Variants in LANCL1 observed in about 807,000 individuals in gnomAD.
LANCL1 encodes glutathione S-transferase LANCL1.
LANCL1 carries 50 observed loss-of-function variants against 50.6 expected under a neutral mutation model. That is an observed-to-expected ratio of 0.99 (90% CI 0.79 to 1.25). The LOEUF (loss-of-function observed/expected upper bound fraction) is 1.25. LANCL1 is among the 50% of genes most tolerant of loss of function. LANCL1 has a pLI of 0.00. For synonymous variants in LANCL1, 188 were observed against 178.6 expected (o/e 1.05, Z -0.42); for missense variants, 532 against 480.7 (o/e 1.11, Z -1.00).
chr2:210,435,015 G>A (rs1476145566), intron 9 of LANCL1, among the ~76,000 whole-genome samples: 1 of 152,170 alleles, frequency 6.6e-6, no homozygotes, highest in Non-Finnish European at 1.5e-5. Flanking sequence ...ACTGGAGAAA[G>A]AATGGAGCCA....
chr2:210,464,328 A>G (rs1338286464), intron 3 of LANCL1, among the ~76,000 whole-genome samples: 4 of 152,220 alleles, frequency 2.6e-5, no homozygotes, highest in African/African-American at 4.8e-5. Context: ...CAGAATTCTA[A>G]TAAGTACCTT....
intron 4 of LANCL1, among the ~76,000 whole-genome samples, chr2:210,452,937 T>C (rs1022988540): frequency 2.6e-5 from 4 of 151,918 alleles, no homozygotes; most frequent in Admixed American, 1.3e-4. Flanking sequence ...TTAAAGGAGG[T>C]TTACTAAATA....
At chr2:210,471,037 CTTT>C (rs5838206) in intron 3 of LANCL1, among the ~76,000 whole-genome samples, 59,865 of 141,560 alleles carry the variant, frequency 0.42, 14,099 homozygotes, top group East Asian at 0.61. Flanking sequence ...AACTTTTCTT[CTTT>C]GATTTTTTTT....
At chr2:210,462,361 GAAC>G (rs1693890228) in intron 3 of LANCL1, among the ~76,000 whole-genome samples, 1 of 152,184 alleles carries the variant, frequency 6.6e-6, no homozygotes, top group Non-Finnish European at 1.5e-5. Flanking sequence ...GGCTAAAAAT[GAAC>G]AACTCAATGC....
At chr2:210,442,560 G>A (rs1448938628) in intron 4 of LANCL1, 1 of 152,200 alleles carries the variant, frequency 6.6e-6, no homozygotes, top group African/African-American at 2.4e-5. Context: ...GAGCAAGCAT[G>A]CTCTGCACCT....
intron 2 of LANCL1, among the ~76,000 whole-genome samples, chr2:210,472,674 G>A (rs749866427): frequency 6.6e-5 from 10 of 152,184 alleles, no homozygotes; most frequent in Non-Finnish European, 1.5e-4. Flanking sequence ...GTTTCTCAAT[G>A]AATGAGCCTG....
chr2:210,441,898 ATACATG>A (rs1220177995), intron 4 of LANCL1, among the ~76,000 whole-genome samples: 1 of 147,296 alleles, frequency 6.8e-6, no homozygotes, highest in Non-Finnish European at 1.5e-5. Flanking sequence ...ACAGTCAATA[ATACATG>A]TACATTTTTT....
At chr2:210,465,417 G>A (rs1350603101) in intron 3 of LANCL1, among the ~76,000 whole-genome samples, 1 of 152,172 alleles carries the variant, frequency 6.6e-6, no homozygotes, top group Admixed American at 6.5e-5. Context: ...TGTAACCATA[G>A]ATTGAGGTCT....
chr2:210,463,201 T>C (rs893516899), intron 3 of LANCL1, among the ~76,000 whole-genome samples: 3 of 152,128 alleles, frequency 2.0e-5, no homozygotes, highest in Non-Finnish European at 2.9e-5. Context: ...ATTCTGGCCA[T>C]AAAGGTTTAT....
intron 4 of LANCL1, 33 bp from the exon 5 acceptor site, chr2:210,441,476 G>T (rs1693132778): frequency 6.3e-7 from 1 of 1,581,126 alleles, no homozygotes; most frequent in South Asian, 1.2e-5. Flanking sequence ...CAAATAATTT[G>T]AAAGGAACCA....
rs1692829346 is a variant in LANCL1, at chr2:210,433,875, C to T, written c.*612G>A. 6.6e-6 allele frequency: 1 copy of T among 152,060 alleles called. No homozygotes were observed. The highest frequency in any genetic ancestry group is 1.5e-5 in the Non-Finnish European group (1 of 68,000). The allele number at this position is 152,060 out of a possible 1,614,324, so 9.4% of individuals were successfully genotyped here. A position where few individuals can be genotyped will look rare whatever the true frequency, so the allele number is the denominator to read the frequency against. On this transcript the variant is annotated 3_prime_UTR_variant, in exon 10 of 10. Transcript: ENST00000450366. Reference sequence around the variant, plus strand: ...GTATGCCTTACCGACAAAAACAGGCCAATCTGAAAGTATGTTTACCTCTAG... The same window carrying T: ...GTATGCCTTACCGACAAAAACAGGCTAATCTGAAAGTATGTTTACCTCTAG...
At chr2:210,440,795 C>A in intron 5 of LANCL1, 51 bp from the exon 6 acceptor site, 1 of 1,558,394 alleles carries the variant, frequency 6.4e-7, no homozygotes, top group East Asian at 2.3e-5. Flanking sequence ...CAAAAATCTT[C>A]CTGGAGGAGG....
chr2:210,443,727 A>G (rs1693220744), intron 4 of LANCL1, among the ~76,000 whole-genome samples: 1 of 152,066 alleles, frequency 6.6e-6, no homozygotes, highest in Admixed American at 6.6e-5. Context: ...GGTCCCTCCA[A>G]CCCCCGCCCC....
chr2:210,439,082 G>A (rs964096462), intron 6 of LANCL1, among the ~76,000 whole-genome samples: 1 of 152,188 alleles, frequency 6.6e-6, no homozygotes, highest in African/African-American at 2.4e-5. Flanking sequence ...TAGCATTTAA[G>A]CTCAGAGTGT....
At chr2:210,457,976 T>G (rs1693720525) in intron 3 of LANCL1, among the ~76,000 whole-genome samples, 1 of 152,154 alleles carries the variant, frequency 6.6e-6, no homozygotes, top group South Asian at 2.1e-4. Context: ...AACAACAGGA[T>G]GCAGTGGGAG....
chr2:210,455,031 A>C, intron 4 of LANCL1, 76 bp downstream of exon 4: 1 of 1,218,862 alleles, frequency 8.2e-7, no homozygotes. Flanking sequence ...ACTCACTAGA[A>C]TGTTCTTTTG....
intron 2 of LANCL1, among the ~76,000 whole-genome samples, chr2:210,475,818 C>G (rs1281457810): frequency 6.6e-6 from 1 of 152,120 alleles, no homozygotes; most frequent in Non-Finnish European, 1.5e-5. Context: ...TGGATATGCC[C>G]TGTGGAGTGA....
chr2:210,450,344 C>G (rs758815697), intron 4 of LANCL1, among the ~76,000 whole-genome samples: 1 of 152,176 alleles, frequency 6.6e-6, no homozygotes, highest in Non-Finnish European at 1.5e-5. Context: ...AAAATTAACT[C>G]AAGATGGATT....
intron 9 of LANCL1, among the ~76,000 whole-genome samples, 174 bp from the exon 10 acceptor site, chr2:210,434,737 G>A (rs879149086): frequency 6.6e-6 from 1 of 152,020 alleles, no homozygotes; most frequent in South Asian, 2.1e-4. Context: ...CTAAGGTCTG[G>A]ATCAAGGCCG....
Sources: gnomAD v4.1 joint callset for allele counts (sites outside exome capture counted in the v4.1 genomes callset) on GRCh38, gnomAD v4.1.1 for gene constraint, MANE v1.5 for transcripts, NCBI Gene and HGNC (gene_info 2026-07-23, HGNC 2026-07-21) for gene names.